Variants in WWOX observed in about 807,000 individuals in gnomAD.
WWOX encodes WW domain containing oxidoreductase.
In WWOX, 69 loss-of-function variants were observed where a neutral mutation model predicts 46.2. The ratio of observed to expected loss-of-function variants is 1.49; its 90% CI spans 1.23 to 1.82. WWOX has a LOEUF of 1.82. Among genes scored for constraint, WWOX ranks in the 40% most tolerant of loss-of-function variants. The pLI is 0.00. For missense variants in WWOX, 919 were observed against 542.6 expected, an observed-to-expected ratio of 1.69 and a Z score of -6.89; for synonymous variants, 359 against 202.6, an observed-to-expected ratio of 1.77 and a Z score of -6.56.
At chr16:78,707,430 G>C (rs75820508) in intron 8 of WWOX, among the ~76,000 whole-genome samples, 1 of 152,306 alleles carries the variant, frequency 6.6e-6, no homozygotes, top group African/African-American at 2.4e-5. Flanking sequence ...ACAAGCATCA[G>C]AGGTTCTGGA....
At chr16:78,749,786 G>T (rs970318380) in intron 8 of WWOX, among the ~76,000 whole-genome samples, 2 of 152,208 alleles carry the variant, frequency 1.3e-5, no homozygotes, top group African/African-American at 2.4e-5. Context: ...AAATGCAACT[G>T]TACTTCCTAT....
chr16:78,428,987 A>G (rs1361280647), intron 7 of WWOX, among the ~76,000 whole-genome samples: 1 of 152,212 alleles, frequency 6.6e-6, no homozygotes, highest in African/African-American at 2.4e-5. Flanking sequence ...AATTCTCATC[A>G]TGGGATTTGT....
rs117113187 is a variant in WWOX at position 78,192,896 on chromosome 16, C to A, written c.516+28607C>A. Among the ~76,000 whole-genome samples the A allele has an allele frequency of 1.8e-4, 27 of 152,290 alleles. 1 individual carries two copies. Among genetic ancestry groups the A allele is most frequent in the Admixed American group, 1.6e-3 (25 of 15,304 alleles). On this transcript the variant is annotated intron_variant, in intron 5 of 8. Transcript: ENST00000566780. ...TTTCTCAGTCGATTGACAAGGATGG[C>A]GTATTGGCCACCTTTTGCCGCAGTA...
At chr16:78,498,228 G>C (rs1240263653) in intron 8 of WWOX, among the ~76,000 whole-genome samples, 1 of 134,768 alleles carries the variant, frequency 7.4e-6, no homozygotes, top group Non-Finnish European at 1.6e-5. Flanking sequence ...AGAAAAAAAA[G>C]CATCAGGGTT....
intron 8 of WWOX, among the ~76,000 whole-genome samples, chr16:79,189,558 C>G (rs1027062820): frequency 6.6e-6 from 1 of 151,870 alleles, no homozygotes; most frequent in Non-Finnish European, 1.5e-5. Context: ...ACCTTGGCCT[C>G]TCAAAGTGCT....
chr16:78,372,078 G>A (rs532760095), intron 5 of WWOX, among the ~76,000 whole-genome samples: 3 of 152,266 alleles, frequency 2.0e-5, no homozygotes, highest in African/African-American at 7.2e-5. Context: ...GCCTAATTGT[G>A]AAGGAGACTG....
intron 8 of WWOX, among the ~76,000 whole-genome samples, chr16:78,773,982 A>G (rs2050127133): frequency 6.6e-6 from 1 of 152,002 alleles, no homozygotes; most frequent in Admixed American, 6.5e-5. Flanking sequence ...CTGAAATGAG[A>G]CTCTTTCACA....
intron 8 of WWOX, among the ~76,000 whole-genome samples, chr16:79,037,966 C>T (rs2047900252): frequency 6.6e-6 from 1 of 152,000 alleles, no homozygotes; most frequent in Non-Finnish European, 1.5e-5. Flanking sequence ...TCTGTTCCTC[C>T]CCTACATAAC....
chr16:78,546,242 T>A (rs576688645), intron 8 of WWOX, among the ~76,000 whole-genome samples: 3 of 152,238 alleles, frequency 2.0e-5, no homozygotes, highest in East Asian at 3.9e-4. Context: ...AGAGAAGGCT[T>A]CTCTGAGGAG....
At chr16:78,510,527 A>T (rs7200419) in intron 8 of WWOX, among the ~76,000 whole-genome samples, 3,269 of 152,210 alleles carry the variant, frequency 0.021, 112 homozygotes, top group African/African-American at 0.076. Flanking sequence ...CATCTTTCTG[A>T]TTAACTGAAA....
At chr16:78,897,170 G>T (rs1202497818) in intron 8 of WWOX, 1 of 148,302 alleles carries the variant, frequency 6.7e-6, no homozygotes, top group African/African-American at 2.5e-5. Flanking sequence ...GTATCGCCTG[G>T]GAGGCAGAGG....
chr16:78,302,753 A>G (rs1490456358), intron 5 of WWOX, among the ~76,000 whole-genome samples: 4 of 152,176 alleles, frequency 2.6e-5, no homozygotes. Context: ...AAGACACTGT[A>G]CACATTTAAG....
intron 8 of WWOX, among the ~76,000 whole-genome samples, chr16:78,775,158 A>G (rs114337834): frequency 1.3e-5 from 2 of 152,206 alleles, no homozygotes; most frequent in African/African-American, 2.4e-5. Flanking sequence ...AAATACCTCA[A>G]TTCCTTTTGC....
intron 8 of WWOX, among the ~76,000 whole-genome samples, chr16:78,570,680 G>T (rs2044694036): frequency 6.6e-6 from 1 of 152,124 alleles, no homozygotes; most frequent in Non-Finnish European, 1.5e-5. Context: ...AGACACAAAG[G>T]TGAACCCCAG....
chr16:78,385,842 T>G (rs1261405847), intron 5 of WWOX, among the ~76,000 whole-genome samples: 1 of 152,184 alleles, frequency 6.6e-6, no homozygotes, highest in Non-Finnish European at 1.5e-5. Flanking sequence ...TGTTCTTGGG[T>G]TTTTTGTCCT....
At chr16:78,144,471 A>ATATATATATATATATG (rs2034115225) in intron 4 of WWOX, among the ~76,000 whole-genome samples, 32 of 33,570 alleles carry the variant, frequency 9.5e-4, no homozygotes, top group East Asian at 4.9e-3. Context: ...ATACACACAT[A>ATATATATATATATATG]TATATATATA....
intron 8 of WWOX, among the ~76,000 whole-genome samples, chr16:78,691,676 C>G (rs575024270): frequency 2.6e-5 from 4 of 152,216 alleles, no homozygotes; most frequent in African/African-American, 9.6e-5. Flanking sequence ...CCACTGTACT[C>G]CAGCCTGGGC....
At chr16:78,700,591 A>G (rs949622860) in intron 8 of WWOX, among the ~76,000 whole-genome samples, 1 of 152,220 alleles carries the variant, frequency 6.6e-6, no homozygotes, top group African/African-American at 2.4e-5. Flanking sequence ...ACCAGGTCCA[A>G]GGAAGGGGCA....
intron 8 of WWOX, among the ~76,000 whole-genome samples, chr16:78,778,081 C>A (rs1241853938): frequency 2.7e-5 from 4 of 147,600 alleles, no homozygotes; most frequent in East Asian, 2.0e-4. Context: ...TACATTTTAT[C>A]TTTACTGTAG....
Sources: allele counts gnomAD v4.1 joint callset (sites outside exome capture counted in the v4.1 genomes callset), GRCh38; gene constraint gnomAD v4.1.1; transcripts MANE v1.5; gene names NCBI Gene and HGNC (gene_info 2026-07-23, HGNC 2026-07-21).